The following PLPPR5 variants were observed in gnomAD, a reference collection of about 807,000 sequenced individuals.
PLPPR5 encodes phospholipid phosphatase related 5, also known as phospholipid phosphatase-related protein type 5.
A neutral mutation model predicts 33.9 loss-of-function variants in PLPPR5; 16 were observed. That is an observed-to-expected ratio of 0.47 (90% CI 0.32 to 0.72). The LOEUF is 0.72. PLPPR5 is among the 30% of genes least tolerant of loss of function. The pLI, the probability that PLPPR5 is intolerant of heterozygous loss-of-function variation, is 0.03. For missense variants in PLPPR5, 301 were observed against 406.7 expected (o/e 0.74, Z 2.23); for synonymous variants, 163 against 150.3 (o/e 1.08, Z -0.62).
rs796872010 is a variant in PLPPR5, at chr1:98,953,355, T to G, written c.371-35A>C. 676 of 1,378,868 alleles carry G rather than the reference T, an allele frequency of 4.9e-4. 2 individuals are homozygous for G. The African/African-American group carries it at 0.011, about 22-fold the overall frequency. 85.4% of individuals were successfully genotyped at this position (1,378,868 alleles called of 1,614,324 possible). Reference sequence around the variant, plus strand: ...AAAACAAATAATTTTAACTTCTTGCTTGTGTGTGTGTGTGTGTGTGTGTGT... The same window carrying G: ...AAAACAAATAATTTTAACTTCTTGCGTGTGTGTGTGTGTGTGTGTGTGTGT... On this transcript the variant is annotated intron_variant, in intron 2 of 5. Coordinates refer to ENST00000263177, the MANE Select transcript of PLPPR5 (RefSeq NM_001037317.2).
At chr1:98,940,616 T>G (rs1295200920) in intron 3 of PLPPR5, among the ~76,000 whole-genome samples, 1 of 151,808 alleles carries the variant, frequency 6.6e-6, no homozygotes, top group Non-Finnish European at 1.5e-5. Context: ...TTATAACTCA[T>G]GCTTTAGGGG....
chr1:98,949,129 A>G (rs1337513880), intron 3 of PLPPR5, among the ~76,000 whole-genome samples: 1 of 152,224 alleles, frequency 6.6e-6, no homozygotes, highest in African/African-American at 2.4e-5. Context: ...TTATATGAAA[A>G]GAAATACCAC....
chr1:98,976,092 T>TAAAAAA (rs34637022), intron 1 of PLPPR5, among the ~76,000 whole-genome samples: 32 of 74,696 alleles, frequency 4.3e-4, no homozygotes, highest in Non-Finnish European at 5.4e-4. Flanking sequence ...TACTAAAAAG[T>TAAAAAA]AAAAAAAAAA....
At chr1:98,983,935 GTTGT>G (rs1652150939) in intron 1 of PLPPR5, among the ~76,000 whole-genome samples, 2 of 145,828 alleles carry the variant, frequency 1.4e-5, no homozygotes, top group Admixed American at 6.9e-5. Context: ...TTTTTGATGG[GTTGT>G]TTTTTTCTTT....
At chr1:98,893,202 G>C in intron 5 of PLPPR5, 98 bp from the exon 6 acceptor site, 2 of 1,135,996 alleles carry the variant, frequency 1.8e-6, no homozygotes, top group East Asian at 2.8e-5. Context: ...CTTATATGCT[G>C]AATGTTGAAG....
At chr1:98,899,444 T>C (rs1648603985) in intron 5 of PLPPR5, among the ~76,000 whole-genome samples, 2 of 152,180 alleles carry the variant, frequency 1.3e-5, no homozygotes, top group African/African-American at 4.8e-5. Context: ...GTAAGCATTA[T>C]CAGGGATGTA....
intron 1 of PLPPR5, among the ~76,000 whole-genome samples, chr1:98,972,125 A>T (rs1457704629): frequency 6.6e-6 from 1 of 152,052 alleles, no homozygotes; most frequent in African/African-American, 2.4e-5. Flanking sequence ...AGAGGCAGGG[A>T]TCCTCATTTA....
intron 3 of PLPPR5, among the ~76,000 whole-genome samples, chr1:98,938,546 A>T (rs1650256572): frequency 6.7e-6 from 1 of 148,386 alleles, no homozygotes; most frequent in Non-Finnish European, 1.5e-5. Flanking sequence ...ATATAAATAT[A>T]AATATATTTA....
At position 99,004,735 on chromosome 1, in the gene PLPPR5, C is replaced by G. The variant is rs542899202; in HGVS notation, c.-64G>C. ...CGGTCGACGCGGTGGGCCCCCTCCC[C>G]GGTCCGCCGAGGCAGCCACCGGGGG... On this transcript the variant is annotated 5_prime_UTR_variant, in exon 1 of 6. Coordinates refer to ENST00000263177, the MANE Select transcript of PLPPR5 (RefSeq NM_001037317.2). 106 of 1,142,990 alleles carry G rather than the reference C, an allele frequency of 9.3e-5. No homozygotes were observed. In the African/African-American group the frequency reaches 1.1e-3, roughly 12 times the overall value. The allele number at this position is 1,142,990 out of a possible 1,614,324, so 70.8% of individuals were successfully genotyped here.
At chr1:98,954,224 T>G (rs937231312) in intron 2 of PLPPR5, among the ~76,000 whole-genome samples, 1 of 152,176 alleles carries the variant, frequency 6.6e-6, no homozygotes, top group Non-Finnish European at 1.5e-5. Flanking sequence ...AAATAATTTT[T>G]GGCATTAATT....
rs541891803 is a variant in PLPPR5 at position 98,953,220 on chromosome 1, G to A, written c.471C>T (p.Pro157=). 8.7e-6 allele frequency: 14 copies of A among 1,613,974 alleles called. No individual in the cohort carries two copies. In the South Asian group the frequency reaches 1.4e-4, roughly 16 times the overall value. Residue 157 remains proline, a synonymous_variant, in exon 3 of 6, where the codon CCC becomes CCT. Transcript: ENST00000263177. ...GCTGACATCCAAGTGCTGTATAATT[G>A]GGCTTACACAGGGCAAGGAAATGTG... ...LAPHFLALCK[P]NYTALGCQQY...
intron 5 of PLPPR5, among the ~76,000 whole-genome samples, chr1:98,907,133 T>C (rs184308482): frequency 1.6e-3 from 241 of 152,316 alleles, no homozygotes; most frequent in African/African-American, 5.7e-3. Context: ...TTTCATATGT[T>C]TTCTTTAATT....
In PLPPR5 at chr1:98,931,695, G is replaced by A. The variant is rs185115328; in HGVS notation, c.622-9637C>T. On this transcript the variant is annotated intron_variant, in intron 3 of 5. Coordinates refer to ENST00000263177, the MANE Select transcript of PLPPR5 (RefSeq NM_001037317.2). ...TGTCAGTCTGGAGGTTGTGTGGGTC[G>A]GGACGGGGGTGAGTACAGAGGGAAG... Among the ~76,000 whole-genome samples the A allele has an allele frequency of 2.0e-4, 30 of 152,112 alleles. No homozygotes were observed. The East Asian group carries it at 5.6e-3, about 29-fold the overall frequency.
intron 3 of PLPPR5, among the ~76,000 whole-genome samples, chr1:98,932,085 G>C (rs1277668540): frequency 6.6e-6 from 1 of 152,158 alleles, no homozygotes; most frequent in Non-Finnish European, 1.5e-5. Context: ...CAAGTCTCAG[G>C]CCTCAGTGGC....
At chr1:98,983,150 A>C (rs1652118215) in intron 1 of PLPPR5, among the ~76,000 whole-genome samples, 1 of 151,660 alleles carries the variant, frequency 6.6e-6, no homozygotes, top group South Asian at 2.1e-4. Context: ...GGTTAGTTAC[A>C]TATGTCAACA....
chr1:98,945,093 G>T (rs1650505095), intron 3 of PLPPR5, among the ~76,000 whole-genome samples: 1 of 152,140 alleles, frequency 6.6e-6, no homozygotes, highest in African/African-American at 2.4e-5. Flanking sequence ...TGTTAGTTTT[G>T]TTGTTAGGCA....
At chr1:98,894,444 G>A (rs1454894978) in intron 5 of PLPPR5, among the ~76,000 whole-genome samples, 5 of 151,998 alleles carry the variant, frequency 3.3e-5, no homozygotes, top group African/African-American at 2.4e-5. Flanking sequence ...GTGGCCCCAC[G>A]GGTACTTGAA....
chr1:98,896,265 A>T lies in PLPPR5; in HGVS notation c.934-3161T>A, dbSNP rs188536548. Among the ~76,000 whole-genome samples the T allele has an allele frequency of 5.9e-5, 9 of 152,206 alleles. No homozygotes were observed. In the East Asian group the frequency reaches 1.5e-3, roughly 26 times the overall value. On this transcript the variant is annotated intron_variant, in intron 5 of 5. Coordinates refer to ENST00000263177, the MANE Select transcript of PLPPR5 (RefSeq NM_001037317.2). ...CAGTATTTTTCCCATTAACATGGAA[A>T]ACCAGAATTGTGTTTAATATTTTCA...
intron 5 of PLPPR5, among the ~76,000 whole-genome samples, chr1:98,900,705 A>G (rs1648665981): frequency 6.6e-6 from 1 of 152,128 alleles, no homozygotes; most frequent in African/African-American, 2.4e-5. Flanking sequence ...AAGCAACCTA[A>G]CACTACTTGA....
Sources: gnomAD v4.1 joint callset for allele counts (sites outside exome capture counted in the v4.1 genomes callset) on GRCh38, gnomAD v4.1.1 for gene constraint, MANE v1.5 for transcripts, NCBI Gene and HGNC (gene_info 2026-07-23, HGNC 2026-07-21) for gene names.